Variants in PRELID2 observed in about 807,000 individuals in gnomAD.
PRELID2 encodes PRELI domain containing 2, also known as PRELI domain-containing protein 2.
A neutral mutation model predicts 28.4 loss-of-function variants in PRELID2; 25 were observed. That is an observed-to-expected ratio of 0.88 (90% CI 0.64 to 1.23). The LOEUF is 1.23. Ranked by LOEUF, PRELID2 falls within the 50% of genes most tolerant of loss-of-function variation. The probability of loss-of-function intolerance (pLI) is 0.00; values close to 1 mark genes in which losing one functional copy is unlikely to be tolerated. For synonymous variants in PRELID2, 76 were observed against 71.6 expected, an observed-to-expected ratio of 1.06 and a Z score of -0.31; for missense variants, 201 against 214.4, an observed-to-expected ratio of 0.94 and a Z score of 0.39.
the PRELID2 span, among the ~76,000 whole-genome samples, chr5:145,445,358 C>T: frequency 1.3e-5 from 2 of 152,054 alleles, no homozygotes; most frequent in African/African-American, 4.8e-5. Flanking sequence ...CCCCACTTCT[C>T]ATCCTATTCA....
chr5:145,545,350 G>A (rs1374815206), intron 1 of PRELID2, among the ~76,000 whole-genome samples: 1 of 151,964 alleles, frequency 6.6e-6, no homozygotes, highest in African/African-American at 2.4e-5. Flanking sequence ...TGAGGCAGTG[G>A]GAGATGAAGC....
the PRELID2 span, among the ~76,000 whole-genome samples, chr5:145,283,394 G>T: frequency 1.3e-5 from 2 of 152,152 alleles, no homozygotes; most frequent in African/African-American, 4.8e-5. Flanking sequence ...AAACATCAGG[G>T]AACTTGTTTT....
the PRELID2 span, chr5:145,440,789 A>G: frequency 6.6e-6 from 1 of 152,034 alleles, no homozygotes; most frequent in East Asian, 1.9e-4. Context: ...ATCTGTATCA[A>G]TTATGTTTTA....
rs184570883 is a variant in PRELID2 at position 145,758,339 on chromosome 5, C to T, written c.*2197G>A. Among the ~76,000 whole-genome samples the T allele has an allele frequency of 9.9e-5, 15 of 152,132 alleles. No homozygotes were observed. On this transcript the variant is annotated 3_prime_UTR_variant, in exon 7 of 7. Coordinates refer to ENST00000683046, the MANE Select transcript of PRELID2 (RefSeq NM_205846.3). ...TCCTGCTACAAAGATCCTTTCCAAC[C>T]ACAGAGATATTAAGAAAAAAATTAA...
the PRELID2 span, among the ~76,000 whole-genome samples, chr5:145,278,431 G>A: frequency 6.6e-6 from 1 of 152,130 alleles, no homozygotes; most frequent in Non-Finnish European, 1.5e-5. Flanking sequence ...GTCATTGGCA[G>A]GATTCAATTC....
At chr5:145,676,991 T>A (rs1265343213) in intron 1 of PRELID2, among the ~76,000 whole-genome samples, 3 of 152,030 alleles carry the variant, frequency 2.0e-5, no homozygotes, top group African/African-American at 7.2e-5. Context: ...TCATTAGAAG[T>A]CAAACTAATT....
At chr5:145,634,316 C>T (rs552555666) in intron 1 of PRELID2, among the ~76,000 whole-genome samples, 20 of 152,180 alleles carry the variant, frequency 1.3e-4, no homozygotes, top group African/African-American at 4.8e-4. Flanking sequence ...AACACTGCTG[C>T]AAATTCTCTC....
intron 1 of PRELID2, among the ~76,000 whole-genome samples, chr5:145,697,888 T>C (rs182555201): frequency 6.6e-6 from 1 of 152,284 alleles, no homozygotes; most frequent in East Asian, 1.9e-4. Flanking sequence ...CGATTTCAGC[T>C]GCCTGTTATC....
intron 1 of PRELID2, among the ~76,000 whole-genome samples, chr5:145,704,452 G>A (rs1268746493): frequency 1.3e-5 from 2 of 152,184 alleles, no homozygotes; most frequent in African/African-American, 4.8e-5. Flanking sequence ...ACAGTCTGGT[G>A]TACTCAAAAC....
intron 1 of PRELID2, among the ~76,000 whole-genome samples, chr5:145,724,603 AT>A (rs761994468): frequency 0.39 from 29,768 of 76,498 alleles, 6,016 homozygotes; most frequent in African/African-American, 0.59. Flanking sequence ...GTAAATAAAT[AT>A]ATATATATAT....
intron 1 of PRELID2, among the ~76,000 whole-genome samples, chr5:145,657,471 G>C (rs936783435): frequency 2.6e-5 from 4 of 152,156 alleles, no homozygotes; most frequent in African/African-American, 9.7e-5. Flanking sequence ...AGATCATGAG[G>C]TCAGGAGTTC....
At chr5:145,547,480 A>C (rs1178498228) in intron 1 of PRELID2, among the ~76,000 whole-genome samples, 2 of 152,218 alleles carry the variant, frequency 1.3e-5, no homozygotes, top group African/African-American at 4.8e-5. Context: ...ACTGTGCAAT[A>C]AAAGGTTGAT....
At chr5:145,535,416 C>T (rs937053056) in intron 1 of PRELID2, among the ~76,000 whole-genome samples, 6 of 151,970 alleles carry the variant, frequency 3.9e-5, no homozygotes, top group Non-Finnish European at 8.8e-5. Flanking sequence ...CATTTCCCAG[C>T]AGTCAGAATT....
At chr5:145,283,378 T>C in the PRELID2 span, among the ~76,000 whole-genome samples, 2 of 152,166 alleles carry the variant, frequency 1.3e-5, no homozygotes, top group African/African-American at 2.4e-5. Flanking sequence ...AATAAAATGC[T>C]CAAAGAAACA....
intron 1 of PRELID2, among the ~76,000 whole-genome samples, chr5:145,668,465 C>G (rs1754641195): frequency 6.6e-6 from 1 of 151,802 alleles, no homozygotes; most frequent in African/African-American, 2.4e-5. Context: ...GGCAGTATAG[C>G]TGTTTATTTG....
chr5:145,504,446 G>A (rs757344139), intron 1 of PRELID2, among the ~76,000 whole-genome samples: 5 of 152,100 alleles, frequency 3.3e-5, no homozygotes, highest in African/African-American at 4.8e-5. Context: ...GCTGAGAAGC[G>A]ATACACATAA....
chr5:145,417,222 T>C, the PRELID2 span, among the ~76,000 whole-genome samples: 2 of 152,040 alleles, frequency 1.3e-5, no homozygotes, highest in South Asian at 2.1e-4. Flanking sequence ...CCCAAACAGA[T>C]TGATAATGAG....
the PRELID2 span, among the ~76,000 whole-genome samples, chr5:145,396,243 A>G: frequency 1.3e-5 from 2 of 152,156 alleles, no homozygotes; most frequent in Non-Finnish European, 2.9e-5. Context: ...CTACTGGGAC[A>G]TTATTAGATG....
the PRELID2 span, among the ~76,000 whole-genome samples, chr5:145,279,207 T>C: frequency 3.0e-4 from 45 of 152,314 alleles, no homozygotes; most frequent in South Asian, 8.3e-3. Flanking sequence ...TGGCAAAAAC[T>C]GCAATAACAT....
Sources: gnomAD v4.1 joint callset for allele counts (sites outside exome capture counted in the v4.1 genomes callset) on GRCh38, gnomAD v4.1.1 for gene constraint, MANE v1.5 for transcripts, NCBI Gene and HGNC (gene_info 2026-07-23, HGNC 2026-07-21) for gene names.